Variants in TTC28 observed in about 807,000 individuals in gnomAD.
The protein encoded by TTC28 is tetratricopeptide repeat protein 28.
Under a neutral mutation model 198.0 loss-of-function variants are expected in TTC28, and 61 were observed. The observed-to-expected ratio is 0.31, with a 90% confidence interval of 0.25 to 0.38. The LOEUF (loss-of-function observed/expected upper bound fraction) is 0.38. TTC28 is among the 10% of genes least tolerant of loss of function. The pLI, the probability that TTC28 is intolerant of heterozygous loss-of-function variation, is 1.00. For missense variants in TTC28, 2,678 were observed against 3,164.0 expected, an observed-to-expected ratio of 0.85 and a Z score of 3.69; for synonymous variants, 1,171 against 1,297.8, an observed-to-expected ratio of 0.90 and a Z score of 2.10.
chr22:28,123,748 C>T lies in TTC28; in HGVS notation c.1442-15345G>A, dbSNP rs575005874. Among the ~76,000 whole-genome samples, 21 of 151,914 alleles carry T rather than the reference C, an allele frequency of 1.4e-4. 1 individual carries two copies. Among genetic ancestry groups the T allele is most frequent in the Admixed American group, 6.6e-4 (10 of 15,250 alleles). Reference sequence around the variant, plus strand: ...CTGTAATCCTAGCATTTTGGGAGGCCGAGGCGGGTGGATTGCTTGAGCTCA... The same window carrying T: ...CTGTAATCCTAGCATTTTGGGAGGCTGAGGCGGGTGGATTGCTTGAGCTCA... On this transcript the variant is annotated intron_variant, in intron 6 of 22. Coordinates refer to ENST00000397906, the MANE Select transcript of TTC28 (RefSeq NM_001145418.2).
intron 5 of TTC28, among the ~76,000 whole-genome samples, chr22:28,196,759 A>T (rs1422542485): frequency 6.6e-5 from 10 of 152,188 alleles, no homozygotes; most frequent in African/African-American, 2.4e-4. Context: ...ATCATTAAAA[A>T]GTCAGGAAAC....
intron 2 of TTC28, among the ~76,000 whole-genome samples, chr22:28,556,404 C>T (rs2049787205): frequency 6.6e-6 from 1 of 152,130 alleles, no homozygotes; most frequent in African/African-American, 2.4e-5. Context: ...GATCATTTTT[C>T]TAAATATATA....
chr22:28,211,013 T>A (rs1926899160), intron 5 of TTC28, among the ~76,000 whole-genome samples: 2 of 152,128 alleles, frequency 1.3e-5, no homozygotes, highest in African/African-American at 4.8e-5. Context: ...CAACCCAGAA[T>A]TTCATATCCA....
intron 5 of TTC28, among the ~76,000 whole-genome samples, chr22:28,193,729 A>G (rs2147135269): frequency 6.6e-6 from 1 of 152,330 alleles, no homozygotes; most frequent in East Asian, 1.9e-4. Context: ...TTCAACAAGA[A>G]GAGCTAACTA....
intron 2 of TTC28, among the ~76,000 whole-genome samples, chr22:28,573,136 A>G: frequency 6.6e-6 from 1 of 150,410 alleles, no homozygotes. Context: ...AAAAAAAAAA[A>G]CAAGTACAGG....
rs910969940 is a variant in TTC28, at chr22:28,432,329, A to T, written c.382-125686T>A. On this transcript the variant is annotated intron_variant, in intron 2 of 22. Coordinates refer to ENST00000397906, the MANE Select transcript of TTC28 (RefSeq NM_001145418.2). ...AATAAAATAAAAATAAAAATAAAAA[A>T]ATATAAAATAAATAGCAGTAAAATG... is the stretch of plus-strand genomic sequence containing the variant. Among the ~76,000 whole-genome samples, 13 of 151,844 alleles carry T rather than the reference A, an allele frequency of 8.6e-5. 1 individual carries two copies. The highest frequency in any genetic ancestry group is 6.8e-3 in the Middle Eastern group (2 of 294).
intron 5 of TTC28, among the ~76,000 whole-genome samples, chr22:28,171,339 G>A (rs1922653564): frequency 6.6e-6 from 1 of 152,118 alleles, no homozygotes; most frequent in East Asian, 1.9e-4. Flanking sequence ...AAGTGAGCAT[G>A]TGATCCTGCC....
intron 1 of TTC28, among the ~76,000 whole-genome samples, chr22:28,641,858 A>C (rs1014735791): frequency 6.6e-6 from 1 of 152,212 alleles, no homozygotes; most frequent in Non-Finnish European, 1.5e-5. Flanking sequence ...ACAAAATAAT[A>C]AGTTTAAAAA....
chr22:28,609,234 AC>A (rs1160871182), intron 2 of TTC28, among the ~76,000 whole-genome samples: 1 of 152,186 alleles, frequency 6.6e-6, no homozygotes, highest in Non-Finnish European at 1.5e-5. Context: ...TTTTTGAAAA[AC>A]CAAATAATTC....
intron 6 of TTC28, among the ~76,000 whole-genome samples, chr22:28,140,960 A>G (rs955847916): frequency 2.0e-5 from 3 of 152,002 alleles, no homozygotes; most frequent in South Asian, 2.1e-4. Flanking sequence ...GAGGAGGAGG[A>G]AGAAAAGGAA....
At chr22:28,071,948 T>A (rs1940998228) in intron 12 of TTC28, among the ~76,000 whole-genome samples, 1 of 152,168 alleles carries the variant, frequency 6.6e-6, no homozygotes, top group African/African-American at 2.4e-5. Flanking sequence ...TAACGAGTCT[T>A]AATGTGTTAC....
At chr22:28,653,902 G>C (rs889194075) in intron 1 of TTC28, among the ~76,000 whole-genome samples, 5 of 152,162 alleles carry the variant, frequency 3.3e-5, no homozygotes, top group African/African-American at 1.2e-4. Context: ...CGAAAATGAC[G>C]TAAGAAGACA....
Position 28,481,617 on chromosome 22 carries a change from A to G in TTC28, c.381+147935T>C, listed in dbSNP as rs574513894. On this transcript the variant is annotated intron_variant, in intron 2 of 22. Transcript: ENST00000397906. ...CCCAACAAAGTTACAGAATGAGATT[A>G]GGTAAATAGATGAGAATTAGAAATT... is the stretch of plus-strand genomic sequence containing the variant. Among the ~76,000 whole-genome samples, 29 of 152,360 alleles carry G rather than the reference A, an allele frequency of 1.9e-4. 1 individual carries two copies. The South Asian group carries it at 6.0e-3, about 32-fold the overall frequency.
At chr22:28,576,718 T>G (rs2050156599) in intron 2 of TTC28, among the ~76,000 whole-genome samples, 1 of 152,128 alleles carries the variant, frequency 6.6e-6, no homozygotes, top group Non-Finnish European at 1.5e-5. Context: ...CTTGGTAGGC[T>G]ATATGTGTCT....
chr22:28,199,981 T>G (rs1925782794), intron 5 of TTC28, among the ~76,000 whole-genome samples: 1 of 152,266 alleles, frequency 6.6e-6, no homozygotes, highest in African/African-American at 2.4e-5. Flanking sequence ...ACAATAATTA[T>G]CTTTGAGCCA....
intron 3 of TTC28, among the ~76,000 whole-genome samples, chr22:28,301,304 T>G (rs73882724): frequency 1.3e-5 from 2 of 152,258 alleles, no homozygotes; most frequent in East Asian, 3.9e-4. Flanking sequence ...TGGCAGCCTA[T>G]AGCTATTAAG....
Position 28,254,467 on chromosome 22 carries a change from G to A in TTC28, c.933+41731C>T, listed in dbSNP as rs888095018. Among the ~76,000 whole-genome samples the A allele has an allele frequency of 2.8e-4, 42 of 148,702 alleles. 1 individual carries two copies. Among genetic ancestry groups the A allele is most frequent in the Non-Finnish European group, 7.4e-5 (5 of 67,282 alleles). On this transcript the variant is annotated intron_variant, in intron 5 of 22. Transcript: ENST00000397906. ...GGAAGAAGAGCACTTCAAAAGAAGT[G>A]TTTATTCAGGAATACTTAATGGTGC...
chr22:28,275,682 T>G (rs1470081104), intron 5 of TTC28, among the ~76,000 whole-genome samples: 1 of 151,058 alleles, frequency 6.6e-6, no homozygotes, highest in African/African-American at 2.4e-5. Flanking sequence ...AGCAATAGAG[T>G]AAAGCAATCA....
chr22:28,333,868 T>C (rs1286549892), intron 2 of TTC28, among the ~76,000 whole-genome samples: 1 of 152,166 alleles, frequency 6.6e-6, no homozygotes, highest in African/African-American at 2.4e-5. Flanking sequence ...TTTTTTATTA[T>C]ACTTTAACTT....
Sources: gnomAD v4.1 joint callset for allele counts (sites outside exome capture counted in the v4.1 genomes callset) on GRCh38, gnomAD v4.1.1 for gene constraint, MANE v1.5 for transcripts, NCBI Gene and HGNC (gene_info 2026-07-23, HGNC 2026-07-21) for gene names.